Variants in NARS2 observed in about 807,000 individuals in gnomAD.
NARS2 encodes the protein asparaginyl-tRNA synthetase 2, mitochondrial.
NARS2 carries 60 observed loss-of-function variants against 62.9 expected under a neutral mutation model. That is an observed-to-expected ratio of 0.95 (90% CI 0.77 to 1.18). The LOEUF (loss-of-function observed/expected upper bound fraction) is 1.18. Ranked by LOEUF, NARS2 falls within the 50% of genes most tolerant of loss-of-function variation. The probability of loss-of-function intolerance (pLI) is 0.00; values close to 1 mark genes in which losing one functional copy is unlikely to be tolerated. For missense variants in NARS2, 619 were observed against 576.4 expected, an observed-to-expected ratio of 1.07 and a Z score of -0.76; for synonymous variants, 196 against 200.0, an observed-to-expected ratio of 0.98 and a Z score of 0.17.
intron 6 of NARS2, among the ~76,000 whole-genome samples, chr11:78,494,542 T>C (rs1272661795): frequency 6.6e-6 from 1 of 150,688 alleles, no homozygotes; most frequent in Admixed American, 6.6e-5. Context: ...AACCAAGAGA[T>C]TTACTTCTCT....
chr11:78,472,666 C>G (rs535130567), intron 9 of NARS2, among the ~76,000 whole-genome samples: 16 of 152,314 alleles, frequency 1.1e-4, no homozygotes, highest in African/African-American at 3.8e-4. Flanking sequence ...CACATGGTAT[C>G]TATACAGATT....
In NARS2 at chr11:78,571,497, TAC is replaced by T. The variant is rs1856921947; in HGVS notation, c.142-55_142-54del. The T allele has an allele frequency of 2.0e-5, 24 of 1,206,516 alleles. No homozygotes were observed. The Admixed American group carries it at 4.3e-4, about 22-fold the overall frequency. The allele number at this position is 1,206,516 out of a possible 1,614,324, so 74.7% of individuals were successfully genotyped here. A position where few individuals can be genotyped will look rare whatever the true frequency, so the allele number is the denominator to read the frequency against. On this transcript the variant is annotated intron_variant, in intron 1 of 13. Transcript: ENST00000281038. Reference sequence around the variant, plus strand: ...AGCGTAAAACATTTTACGTTTTCATTACACATACACACACAGACTAAATGAAA... The same window carrying T: ...AGCGTAAAACATTTTACGTTTTCATTACATACACACACAGACTAAATGAAA...
rs191970821 is a variant in NARS2 at position 78,555,491 on chromosome 11, G to C, written c.594+4048C>G. On this transcript the variant is annotated intron_variant, in intron 5 of 13. Coordinates refer to ENST00000281038, the MANE Select transcript of NARS2 (RefSeq NM_024678.6). ...TGTTTCCAGCAATTTAGAGGTGTTC[G>C]TAGTAGTTTCTGATGGTTGTTTACT... 1.6e-3 allele frequency: 239 copies of C among 152,132 alleles called. 2 individuals are homozygous for C. Among genetic ancestry groups the C allele is most frequent in the African/African-American group, 5.4e-3 (224 of 41,552 alleles). The allele number at this position is 152,132 out of a possible 1,614,324, so 9.4% of individuals were successfully genotyped here.
chr11:78,458,778 T>G lies in NARS2; in HGVS notation c.1164+7098A>C, dbSNP rs138094031. On this transcript the variant is annotated intron_variant, in intron 11 of 13. Coordinates refer to ENST00000281038, the MANE Select transcript of NARS2 (RefSeq NM_024678.6). ...GAAGTTGATATGGTTTTGCTGGGTG[T>G]CCCCACCCAAATCTCATCTTGAATT... is the stretch of plus-strand genomic sequence containing the variant. 5.2e-3 allele frequency among the ~76,000 whole-genome samples: 788 copies of G among 152,334 alleles called. 4 individuals are homozygous for G. Among genetic ancestry groups the G allele is most frequent in the African/African-American group, 0.018 (762 of 41,568 alleles).
At chr11:78,507,214 T>G (rs997442239) in intron 6 of NARS2, among the ~76,000 whole-genome samples, 2 of 140,472 alleles carry the variant, frequency 1.4e-5, no homozygotes, top group African/African-American at 5.3e-5. Context: ...TCCACTTCAT[T>G]TTTCTTTTAT....
chr11:78,538,994 C>CAAAAAAAAAAAAAAAA (rs59917269), intron 5 of NARS2, among the ~76,000 whole-genome samples: 9 of 49,794 alleles, frequency 1.8e-4, no homozygotes, highest in South Asian at 1.8e-3. Context: ...GAATCCGTCT[C>CAAAAAAAAAAAAAAAA]AAAAAAAAAA....
At chr11:78,574,325 C>G (rs769356751) in intron 1 of NARS2, 23 bp downstream of exon 1, 2 of 1,614,166 alleles carry the variant, frequency 1.2e-6, no homozygotes, top group Non-Finnish European at 1.7e-6. Context: ...AAGAAAAAAC[C>G]CACTCCCTTC....
intron 11 of NARS2, among the ~76,000 whole-genome samples, chr11:78,458,111 TGA>T (rs544164513): frequency 2.7e-3 from 417 of 152,276 alleles, no homozygotes; most frequent in African/African-American, 9.5e-3. Context: ...AAAAGGTGGA[TGA>T]GAGGATTTTG....
intron 5 of NARS2, among the ~76,000 whole-genome samples, chr11:78,553,907 G>C (rs960658395): frequency 1.6e-4 from 24 of 152,232 alleles, no homozygotes; most frequent in African/African-American, 5.8e-4. Context: ...ATCTTGAGTT[G>C]ATTTTTGTAC....
chr11:78,452,210 A>C (rs1406251131), intron 11 of NARS2, among the ~76,000 whole-genome samples: 3 of 151,586 alleles, frequency 2.0e-5, no homozygotes, highest in African/African-American at 7.3e-5. Flanking sequence ...CAGGTTCAAG[A>C]GATTTTCCTG....
intron 6 of NARS2, among the ~76,000 whole-genome samples, chr11:78,497,241 G>GCAAAAA (rs1555023813): frequency 1.9e-5 from 2 of 107,310 alleles, no homozygotes; most frequent in Non-Finnish European, 1.8e-5. Flanking sequence ...AAGCAAAATT[G>GCAAAAA]AAAAAAAAAA....
chr11:78,519,802 G>A (rs757167347), intron 6 of NARS2, among the ~76,000 whole-genome samples: 106 of 151,678 alleles, frequency 7.0e-4, no homozygotes, highest in African/African-American at 2.4e-3. Context: ...CTGGGTTCAC[G>A]CGATTCTCCT....
rs148186751 is a variant in NARS2, at chr11:78,492,587, T to G, written c.822+476A>C. On this transcript the variant is annotated intron_variant, in intron 7 of 13. Coordinates refer to ENST00000281038, the MANE Select transcript of NARS2 (RefSeq NM_024678.6). ...TGCTCAACTGAGCTGATAGCTCCTGTGGATGCTTTCTAATATAGCTACATA... is the reference window on the plus strand; with the variant it reads ...TGCTCAACTGAGCTGATAGCTCCTGGGGATGCTTTCTAATATAGCTACATA... 5.1e-3 allele frequency among the ~76,000 whole-genome samples: 781 copies of G among 152,314 alleles called. 4 individuals are homozygous for G. The highest frequency in any genetic ancestry group is 0.018 in the African/African-American group (757 of 41,566).
chr11:78,550,385 C>G (rs1174755314), intron 5 of NARS2, among the ~76,000 whole-genome samples: 5 of 152,148 alleles, frequency 3.3e-5, no homozygotes, highest in African/African-American at 4.8e-5. Context: ...ATATTTCCTT[C>G]AGTCATTTTC....
Position 78,560,048 on chromosome 11 carries a change from A to ATGC in NARS2, c.514-432_514-430dup, listed in dbSNP as rs1282989596. On this transcript the variant is annotated intron_variant, in intron 4 of 13. Transcript: ENST00000281038. Reference sequence around the variant, plus strand: ...GCACACTATAGGCTAATGCATAATGATGCTGCCCACGTTGCTAGAGGAATA... The same window carrying ATGC: ...GCACACTATAGGCTAATGCATAATGATGCTGCTGCCCACGTTGCTAGAGGAATA... 2.0e-5 allele frequency among the ~76,000 whole-genome samples: 3 copies of ATGC among 152,220 alleles called. No homozygotes were observed. In the East Asian group the frequency reaches 5.8e-4, roughly 29 times the overall value.
In NARS2 at chr11:78,574,604, G is replaced by T. The variant is rs901801329; in HGVS notation, c.-116C>A. On this transcript the variant is annotated 5_prime_UTR_variant, in exon 1 of 14. Coordinates refer to ENST00000281038, the MANE Select transcript of NARS2 (RefSeq NM_024678.6). The stretch of plus-strand genomic sequence containing the variant: ...TTCCGCGGCCGCAGCTCTGCTCTAA[G>T]GCACTCCAGAGCCCCTCGGCTGCGC... 8.4e-7 allele frequency: 1 copy of T among 1,195,008 alleles called. No homozygotes were observed. Among genetic ancestry groups the T allele is most frequent in the Non-Finnish European group, 1.1e-6 (1 of 875,784 alleles). The allele number at this position is 1,195,008 out of a possible 1,614,324, so 74.0% of individuals were successfully genotyped here.
At chr11:78,445,638 T>TTA (rs1857732300) in intron 11 of NARS2, among the ~76,000 whole-genome samples, 2 of 152,092 alleles carry the variant, frequency 1.3e-5, no homozygotes, top group African/African-American at 4.8e-5. Context: ...AAAAAACAAT[T>TTA]AAAAAAATTT....
intron 7 of NARS2, among the ~76,000 whole-genome samples, chr11:78,486,452 T>G (rs1859579255): frequency 6.6e-6 from 1 of 152,084 alleles, no homozygotes; most frequent in Non-Finnish European, 1.5e-5. Context: ...CTTCTGACAA[T>G]GAACTACAAA....
chr11:78,455,597 C>G (rs2135177449), intron 11 of NARS2, among the ~76,000 whole-genome samples: 2 of 152,174 alleles, frequency 1.3e-5, no homozygotes, highest in South Asian at 4.2e-4. Context: ...TGACTATGAT[C>G]CCCTGAGAAT....
Sources: gnomAD v4.1 joint callset for allele counts (sites outside exome capture counted in the v4.1 genomes callset) on GRCh38, gnomAD v4.1.1 for gene constraint, MANE v1.5 for transcripts, NCBI Gene and HGNC (gene_info 2026-07-23, HGNC 2026-07-21) for gene names.